ARHGEF11: variants seen among roughly 807,000 people sequenced by gnomAD.
The protein encoded by ARHGEF11 is Rho guanine nucleotide exchange factor 11.
ARHGEF11 carries 55 observed loss-of-function variants against 193.7 expected under a neutral mutation model. The observed-to-expected ratio is 0.28, with a 90% CI of 0.23 to 0.36. The LOEUF (loss-of-function observed/expected upper bound fraction) is 0.36, where lower values mean the gene tolerates loss of function less well. ARHGEF11 is among the 10% of genes least tolerant of loss of function. The pLI, the probability that ARHGEF11 is intolerant of heterozygous loss-of-function variation, is 1.00. For synonymous variants in ARHGEF11, 693 were observed against 768.0 expected, an observed-to-expected ratio of 0.90 and a Z score of 1.62; for missense variants, 1,723 against 2,005.6, an observed-to-expected ratio of 0.86 and a Z score of 2.69.
At chr1:157,017,549 T>C (rs1303715108) in intron 1 of ARHGEF11, among the ~76,000 whole-genome samples, 1 of 151,392 alleles carries the variant, frequency 6.6e-6, no homozygotes, top group Non-Finnish European at 1.5e-5. Context: ...CTACTAAAAA[T>C]ACAAAAAATT....
chr1:157,034,198 A>T (rs989016671), intron 1 of ARHGEF11, among the ~76,000 whole-genome samples: 1 of 152,086 alleles, frequency 6.6e-6, no homozygotes, highest in Non-Finnish European at 1.5e-5. Context: ...CCATTCACAT[A>T]GCTATTTACT....
At chr1:156,964,144 A>G (rs567902815) in intron 11 of ARHGEF11, among the ~76,000 whole-genome samples, 1 of 152,226 alleles carries the variant, frequency 6.6e-6, no homozygotes, top group South Asian at 2.1e-4. Flanking sequence ...CTCTAACACC[A>G]TTTGCATTAT....
intron 22 of ARHGEF11, 121 bp downstream of exon 22, chr1:156,951,452 T>G: frequency 5.1e-6 from 7 of 1,378,764 alleles, no homozygotes; most frequent in Non-Finnish European, 6.9e-6. Flanking sequence ...GAGGAAGTTC[T>G]GTAAAGGGAG....
At chr1:156,961,275 C>G (rs1397900113) in intron 14 of ARHGEF11, among the ~76,000 whole-genome samples, 2 of 152,240 alleles carry the variant, frequency 1.3e-5, no homozygotes, top group Non-Finnish European at 2.9e-5. Flanking sequence ...AATAGCAACT[C>G]AGACTGAGCT....
chr1:157,011,197 T>C (rs1014104799), intron 1 of ARHGEF11, among the ~76,000 whole-genome samples: 2 of 152,192 alleles, frequency 1.3e-5, no homozygotes, highest in African/African-American at 4.8e-5. Flanking sequence ...TTAGGGTCAA[T>C]TCATTTTGAC....
chr1:157,015,739 C>A lies in ARHGEF11; in HGVS notation c.32+28560G>T, dbSNP rs189884967. Among the ~76,000 whole-genome samples the A allele has an allele frequency of 2.8e-3, 433 of 152,352 alleles. 7 individuals carry two copies. Among genetic ancestry groups the A allele is most frequent in the Admixed American group, 0.025 (386 of 15,302 alleles). ...ATGTGTGGATTAGTGCCTCTTTCCA[C>A]TGGAGGAGGAAGCACTGGGATGGAA... On this transcript the variant is annotated intron_variant, in intron 1 of 40. Coordinates refer to ENST00000368194, the MANE Select transcript of ARHGEF11 (RefSeq NM_198236.3).
At chr1:157,012,276 T>C (rs545312564) in intron 1 of ARHGEF11, among the ~76,000 whole-genome samples, 228 of 152,288 alleles carry the variant, frequency 1.5e-3, no homozygotes, top group African/African-American at 5.2e-3. Context: ...ATATTCAGAA[T>C]AGGCAAATTC....
rs370161874 is a variant in ARHGEF11, at chr1:156,946,976, C to T, written c.2528G>A (p.Gly843Asp). ...GTCACTGATCTCTTTGATGATGGGG[C>T]CTTCCTCCCGGAGCTTCTTCATGGC... ...CEAMKKLREE[G>D]PIIKEISDLM... Residue 843 changes from glycine to aspartate, a missense_variant, in exon 27 of 41, where the codon GGC (glycine) becomes GAC (aspartate). Physicochemically the swap from Gly to Asp is moderately conservative, Grantham distance 94. This residue lies in a region of ARHGEF11 where 491 missense variants were observed against 654.5 expected (regional missense o/e 0.75). Coordinates refer to ENST00000368194, the MANE Select transcript of ARHGEF11 (RefSeq NM_198236.3). 5 of 1,614,070 alleles carry T rather than the reference C, an allele frequency of 3.1e-6. No homozygotes were observed. The highest frequency in any genetic ancestry group is 4.2e-6 in the Non-Finnish European group (5 of 1,180,020).
chr1:156,947,094 T>C (rs113466820), intron 26 of ARHGEF11, 79 bp from the exon 27 acceptor site: 1 of 1,570,346 alleles, frequency 6.4e-7, no homozygotes. Flanking sequence ...GAGAAGTGAA[T>C]CTCTGACAGC....
At position 156,986,111 on chromosome 1, in the gene ARHGEF11, C is replaced by T. The variant is rs771089737; in HGVS notation, c.95G>A (p.Arg32His). The T allele has an allele frequency of 9.9e-6, 16 of 1,613,682 alleles. No individual in the cohort carries two copies. The highest frequency in any genetic ancestry group is 1.6e-4 in the Middle Eastern group (1 of 6,078). The change falls in exon 2 of 41, where the codon CGC becomes CAC. Residue 32 changes from arginine (R) to histidine (H), a missense_variant. By Grantham distance (29) the Arg-to-His change is conservative. This residue lies in a region of ARHGEF11 where 646 missense variants were observed against 710.7 expected (regional missense o/e 0.91). Coordinates refer to ENST00000368194, the MANE Select transcript of ARHGEF11 (RefSeq NM_198236.3). ...TGTCTCAGAGGCATCCGAAGGCTGG[C>T]GATGGTGGGAAGGGGACTTGCGCTC... Reference protein sequence around the residue: ...APERKSPSHHRQPSDASETTG... With the variant: ...APERKSPSHHHQPSDASETTG...
At chr1:157,010,785 G>T (rs199692039) in intron 1 of ARHGEF11, among the ~76,000 whole-genome samples, 1 of 151,984 alleles carries the variant, frequency 6.6e-6, no homozygotes, top group East Asian at 1.9e-4. Flanking sequence ...ATTAATAGCG[G>T]CAAAAAGAAT....
At chr1:156,962,820 A>G (rs1256403147) in intron 13 of ARHGEF11, among the ~76,000 whole-genome samples, 1 of 135,534 alleles carries the variant, frequency 7.4e-6, no homozygotes, top group African/African-American at 2.7e-5. Flanking sequence ...CGGAGCTTGC[A>G]GTGAGCTGAG....
upstream of ARHGEF11, among the ~76,000 whole-genome samples, chr1:157,046,651 T>C (rs575763832): frequency 2.0e-5 from 3 of 152,332 alleles, no homozygotes; most frequent in Non-Finnish European, 1.5e-5. Flanking sequence ...TTGAACTCTA[T>C]GGAAGAGCCT....
chr1:157,024,422 TA>T (rs1670396630), intron 1 of ARHGEF11, among the ~76,000 whole-genome samples: 1 of 152,188 alleles, frequency 6.6e-6, no homozygotes, highest in Non-Finnish European at 1.5e-5. Flanking sequence ...AAAGCTGTTA[TA>T]AAAGAAGAAT....
chr1:156,955,729 C>T lies in ARHGEF11; in HGVS notation c.1742G>A (p.Gly581Glu). Reference sequence around the variant, plus strand: ...GCTTTGAGAAGAGCTTTTGGGCTTCCCAATGTATTTGAGGATAGGGTTTCG... The same window carrying T: ...GCTTTGAGAAGAGCTTTTGGGCTTCTCAATGTATTTGAGGATAGGGTTTCG... ...KKRNPILKYI[G>E]KPKSSSQSTF... Residue 581 changes from glycine to glutamate, a missense_variant, in exon 20 of 41, where the codon GGG (glycine) becomes GAG (glutamate). Around this residue, in one of 5 missense-constraint regions of ARHGEF11, gnomAD observed 491 missense variants for 654.5 expected, o/e 0.75. Transcript: ENST00000368194. The T allele has an allele frequency of 6.2e-7, 1 of 1,614,124 alleles. No homozygotes were observed. Among genetic ancestry groups the T allele is most frequent in the Non-Finnish European group, 8.5e-7 (1 of 1,179,982 alleles).
chr1:156,947,740 G>C (rs1351444114), intron 25 of ARHGEF11, 29 bp downstream of exon 25: 5 of 1,609,526 alleles, frequency 3.1e-6, no homozygotes, highest in Non-Finnish European at 4.2e-6. Context: ...CGTGTGAGCG[G>C]AGCTGGGGGC....
intron 11 of ARHGEF11, 128 bp from the exon 12 acceptor site, chr1:156,963,722 T>C: frequency 6.8e-7 from 1 of 1,481,280 alleles, no homozygotes; most frequent in Non-Finnish European, 8.9e-7. Context: ...AACGTTGGCA[T>C]CTCACTCCCG....
In ARHGEF11 at chr1:156,958,834, C is replaced by G. The variant is rs780160451; in HGVS notation, c.1410G>C (p.Leu470=). The change falls in exon 17 of 41, where the codon CTG becomes CTC. Residue 470 remains leucine (L), a synonymous_variant. Transcript: ENST00000368194. The stretch of plus-strand genomic sequence containing the variant: ...GGTCCAGCAGGTCATTTTCACCATA[C>G]AGGCTGCCCAGCCCCAGTGTGCGCT... ...RTKRTLGLGS[L]YGENDLLDLD... 3 of 1,614,244 alleles carry G rather than the reference C, an allele frequency of 1.9e-6. No homozygotes were observed. The East Asian group carries it at 6.7e-5, about 36-fold the overall frequency.
chr1:156,947,630 G>T, intron 25 of ARHGEF11, 139 bp downstream of exon 25: 1 of 1,338,656 alleles, frequency 7.5e-7, no homozygotes, highest in Non-Finnish European at 1.0e-6. Context: ...GAACCTTATA[G>T]CAACAGGCAA....
Sources: allele counts gnomAD v4.1 joint callset (sites outside exome capture counted in the v4.1 genomes callset), GRCh38; gene constraint gnomAD v4.1.1; regional missense constraint gnomAD v4.1.1; transcripts MANE v1.5; gene names NCBI Gene and HGNC (gene_info 2026-07-23, HGNC 2026-07-21).